RSRP1: variants seen among roughly 807,000 people sequenced by gnomAD.
The protein encoded by RSRP1 is arginine/serine-rich protein 1.
In RSRP1, 37 loss-of-function variants were observed where a neutral mutation model predicts 33.0. The observed-to-expected ratio is 1.12, with a 90% CI of 0.86 to 1.48. The LOEUF is 1.48. Ranked by LOEUF, RSRP1 falls within the 40% of genes most tolerant of loss-of-function variation. The pLI, the probability that RSRP1 is intolerant of heterozygous loss-of-function variation, is 0.00. For synonymous variants in RSRP1, 167 were observed against 158.7 expected (o/e 1.05, Z -0.40); for missense variants, 402 against 385.3 (o/e 1.04, Z -0.36).
At position 25,246,428 on chromosome 1, in the gene RSRP1, T is replaced by C; in HGVS notation, c.520+16A>G. On this transcript the variant is annotated intron_variant, in intron 2 of 4. Transcript: ENST00000243189. ...CCATACATTACCACAAATGGAAAGG[T>C]AAATGACCCACCCACCTTTTTCACT... 6.2e-7 allele frequency: 1 copy of C among 1,610,364 alleles called. No individual in the cohort carries two copies. The highest frequency in any genetic ancestry group is 8.5e-7 in the Non-Finnish European group (1 of 1,177,098).
intron 1 of RSRP1, among the ~76,000 whole-genome samples, chr1:25,324,500 T>C (rs1024155945): frequency 6.6e-6 from 1 of 152,044 alleles, no homozygotes; most frequent in Non-Finnish European, 1.5e-5. Flanking sequence ...ACTGGTAACA[T>C]AAGAGTAGTA....
At chr1:25,337,031 T>C (rs1030365599) in intron 1 of RSRP1, 29 of 160,696 alleles carry the variant, frequency 1.8e-4, no homozygotes, top group Middle Eastern at 3.2e-3. Context: ...TTAACGACAA[T>C]TGACCCACCT....
At chr1:25,306,888 G>T in intron 1 of RSRP1, 1 of 796,376 alleles carries the variant, frequency 1.3e-6, no homozygotes. Flanking sequence ...ATTCTGTCCA[G>T]CCCCTACCTT....
chr1:25,264,414 T>C (rs897241782), intron 1 of RSRP1, among the ~76,000 whole-genome samples: 13 of 151,244 alleles, frequency 8.6e-5, no homozygotes, highest in African/African-American at 3.2e-4. Flanking sequence ...CAACACCACA[T>C]GGAAGCTGTC....
At chr1:25,252,664 G>A (rs1028194432) in intron 1 of RSRP1, among the ~76,000 whole-genome samples, 4 of 151,982 alleles carry the variant, frequency 2.6e-5, no homozygotes, top group African/African-American at 9.7e-5. Flanking sequence ...CTCCTGAGTA[G>A]CTGGGATTAC....
At position 25,271,557 on chromosome 1, in the gene RSRP1, T is replaced by C. The variant is rs376146456; in HGVS notation, c.-66-24528A>G. On this transcript the variant is annotated intron_variant, in intron 1 of 1. Coordinates refer to the RSRP1 transcript ENST00000561867. ...TTCCTTCTTTTCTTCCTCTTTCATC[T>C]CTTCCTCCCTCTCTACATCCCTCTC... is the stretch of plus-strand genomic sequence containing the variant. 1.1e-4 allele frequency among the ~76,000 whole-genome samples: 15 copies of C among 132,862 alleles called. 3 individuals are homozygous for C. Among genetic ancestry groups the C allele is most frequent in the African/African-American group, 3.1e-4 (12 of 39,042 alleles). The allele number at this position is 132,862 out of a possible 152,430, so 87.2% of individuals were successfully genotyped here. A position where few individuals can be genotyped will look rare whatever the true frequency, so the allele number is the denominator to read the frequency against.
intron 1 of RSRP1, among the ~76,000 whole-genome samples, chr1:25,266,404 G>A (rs1640312277): frequency 7.8e-6 from 1 of 128,498 alleles, no homozygotes; most frequent in Non-Finnish European, 1.8e-5. Context: ...AGTCACTAAC[G>A]GGAATTTAAA....
chr1:25,284,941 G>A (rs1641835476), intron 1 of RSRP1, among the ~76,000 whole-genome samples: 1 of 135,028 alleles, frequency 7.4e-6, no homozygotes, highest in African/African-American at 2.6e-5. Flanking sequence ...TGGGCATCCT[G>A]TATTTTACTG....
chr1:25,259,340 G>T (rs1003068627), intron 1 of RSRP1, among the ~76,000 whole-genome samples: 3 of 152,082 alleles, frequency 2.0e-5, no homozygotes, highest in Admixed American at 2.0e-4. Context: ...TGATCTGCCT[G>T]CCTCGGCCTC....
At chr1:25,268,270 G>A (rs1350982056) in intron 1 of RSRP1, among the ~76,000 whole-genome samples, 2 of 132,440 alleles carry the variant, frequency 1.5e-5, no homozygotes, top group East Asian at 3.9e-4. Flanking sequence ...TGTAATCCCA[G>A]TACTTTGCGA....
chr1:25,330,300 C>T (rs1644974920), intron 1 of RSRP1: 1 of 132,842 alleles, frequency 7.5e-6, no homozygotes, highest in Non-Finnish European at 1.8e-5. Context: ...CACATAAACA[C>T]CATTTAGTCA....
In RSRP1 at chr1:25,247,386, G is replaced by A. The variant is rs1247523614; in HGVS notation, c.-144C>T. The stretch of plus-strand genomic sequence containing the variant: ...TTCCTTTCGGAACGTAAGACGAAGT[G>A]GGGCTTTTAGTCCCTGCTTTCGAAC... On this transcript the variant is annotated 5_prime_UTR_variant, in exon 1 of 5. Coordinates refer to ENST00000243189, the MANE Select transcript of RSRP1 (RefSeq NM_020317.5). 5.6e-6 allele frequency: 1 copy of A among 178,002 alleles called. No homozygotes were observed. Among genetic ancestry groups the A allele is most frequent in the African/African-American group, 2.4e-5 (1 of 42,534 alleles). 11.0% of individuals were successfully genotyped at this position (178,002 alleles called of 1,614,324 possible).
At position 25,258,737 on chromosome 1, in the gene RSRP1, T is replaced by G. The variant is rs367709580; in HGVS notation, c.-66-11708A>C. Among the ~76,000 whole-genome samples the G allele has an allele frequency of 6.6e-5, 10 of 152,332 alleles. No homozygotes were observed. In the South Asian group the frequency reaches 1.0e-3, roughly 16 times the overall value. On this transcript the variant is annotated intron_variant, in intron 1 of 1. Transcript: ENST00000561867. ...GTCATTATACCAAATACTTTGAGTATTAAAGCATAAAGAATTATCTTTCTT... is the reference window on the plus strand; with the variant it reads ...GTCATTATACCAAATACTTTGAGTAGTAAAGCATAAAGAATTATCTTTCTT...
chr1:25,245,835 T>C (rs1639332456), intron 2 of RSRP1, among the ~76,000 whole-genome samples: 2 of 152,226 alleles, frequency 1.3e-5, no homozygotes, highest in Non-Finnish European at 2.9e-5. Flanking sequence ...TTTTCTGCTG[T>C]AGATTCTTTA....
rs542200657 is a variant in RSRP1, at chr1:25,330,614, CAGAA to C, written c.-67+7360_-67+7363del. Among the ~76,000 whole-genome samples, 169 of 130,750 alleles carry C rather than the reference CAGAA, an allele frequency of 1.3e-3. 24 individuals carry two copies. Among genetic ancestry groups the C allele is most frequent in the African/African-American group, 4.1e-3 (157 of 38,480 alleles). The allele number at this position is 130,750 out of a possible 152,430, so 85.8% of individuals were successfully genotyped here. A position where few individuals can be genotyped will look rare whatever the true frequency, so the allele number is the denominator to read the frequency against. On this transcript the variant is annotated intron_variant, in intron 1 of 1. Coordinates refer to the RSRP1 transcript ENST00000561867. Reference sequence around the variant, plus strand: ...TTTTTTTCCTACACAGCACATAAAACAGAAGGAATTTGAAGCCACCCTCCAAACA... The same window carrying C: ...TTTTTTTCCTACACAGCACATAAAACGGAATTTGAAGCCACCCTCCAAACA...
At chr1:25,251,148 C>T (rs924790213), upstream of RSRP1, among the ~76,000 whole-genome samples, 1 of 152,090 alleles carries the variant, frequency 6.6e-6, no homozygotes, top group African/African-American at 2.4e-5. Context: ...CATCATAGAA[C>T]TGAATTCGGC....
chr1:25,333,670 A>G (rs1645044935), intron 1 of RSRP1, among the ~76,000 whole-genome samples: 1 of 131,300 alleles, frequency 7.6e-6, no homozygotes, highest in South Asian at 2.3e-4. Flanking sequence ...ACCCCAGACT[A>G]GGCAATTTAC....
chr1:25,311,863 A>G (rs1021664398), intron 1 of RSRP1, among the ~76,000 whole-genome samples: 1 of 131,362 alleles, frequency 7.6e-6, no homozygotes, highest in Non-Finnish European at 1.8e-5. Flanking sequence ...AGAATGCAAA[A>G]GCTGAGGGGG....
rs1645001368 is a variant in RSRP1 at position 25,331,256 on chromosome 1, G to A, written c.-67+6722C>T. Among the ~76,000 whole-genome samples, 2 of 131,024 alleles carry A rather than the reference G, an allele frequency of 1.5e-5. 1 individual carries two copies. The highest frequency in any genetic ancestry group is 3.6e-5 in the Non-Finnish European group (2 of 55,440). The allele number at this position is 131,024 out of a possible 152,430, so 86.0% of individuals were successfully genotyped here. ...GCTAGGATTACAGGCGTGAGCCACC[G>A]CACCCGGCCTCTTCCTCTTCTTATA... On this transcript the variant is annotated intron_variant, in intron 1 of 1. Coordinates refer to the RSRP1 transcript ENST00000561867.
Sources: allele counts gnomAD v4.1 joint callset (sites outside exome capture counted in the v4.1 genomes callset), GRCh38; gene constraint gnomAD v4.1.1; transcripts MANE v1.5; gene names NCBI Gene and HGNC (gene_info 2026-07-23, HGNC 2026-07-21).